Variants in APP observed in about 807,000 individuals in gnomAD.
APP encodes the protein amyloid-beta precursor protein.
APP carries 31 observed loss-of-function variants against 101.4 expected under a neutral mutation model. The observed-to-expected ratio is 0.31, with a 90% CI of 0.23 to 0.41. The LOEUF is 0.41. Ranked by LOEUF, APP falls within the 10% of genes least tolerant of loss-of-function variation. The pLI, the probability that APP is intolerant of heterozygous loss-of-function variation, is 1.00. For synonymous variants in APP, 366 were observed against 364.4 expected (o/e 1.00, Z -0.05); for missense variants, 839 against 1,003.7 (o/e 0.84, Z 2.22).
At chr21:26,126,991 G>A (rs1160483310) in intron 1 of APP, among the ~76,000 whole-genome samples, 5 of 146,508 alleles carry the variant, frequency 3.4e-5, no homozygotes, top group Non-Finnish European at 6.0e-5. Context: ...AAAAAAAAAC[G>A]TTAATTTTTA....
At chr21:25,996,343 T>C (rs1389065411) in intron 8 of APP, among the ~76,000 whole-genome samples, 5 of 152,310 alleles carry the variant, frequency 3.3e-5, no homozygotes, top group African/African-American at 1.2e-4. Flanking sequence ...ATGTCTAAAG[T>C]TGAAACCGGG....
At chr21:26,053,550 G>A in intron 3 of APP, 1 of 486,832 alleles carries the variant, frequency 2.1e-6, no homozygotes, top group Non-Finnish European at 3.8e-6. Context: ...CAAGTTTGAT[G>A]GTTAAAATAA....
intron 11 of APP, among the ~76,000 whole-genome samples, chr21:25,956,399 TTTTC>T (rs1302299364): frequency 7.2e-5 from 11 of 152,204 alleles, no homozygotes; most frequent in Admixed American, 2.0e-4. Flanking sequence ...AGTGCTCCTA[TTTTC>T]TTTCTAATTG....
chr21:26,076,926 G>C (rs1229655624), intron 3 of APP, among the ~76,000 whole-genome samples: 5 of 152,104 alleles, frequency 3.3e-5, no homozygotes, highest in Non-Finnish European at 7.4e-5. Flanking sequence ...AGCCGGGCGT[G>C]GTTGTGGGCG....
At chr21:26,140,396 T>C in intron 1 of APP, 1 of 1,442,678 alleles carries the variant, frequency 6.9e-7, no homozygotes, top group Non-Finnish European at 9.1e-7. Flanking sequence ...TATTTAGGCG[T>C]GGATCACACG....
At chr21:26,149,561 T>C (rs1328513286) in intron 1 of APP, among the ~76,000 whole-genome samples, 1 of 152,196 alleles carries the variant, frequency 6.6e-6, no homozygotes, top group Non-Finnish European at 1.5e-5. Flanking sequence ...CAATTTCTTT[T>C]CACTGGAACC....
chr21:25,912,507 T>C (rs2039129044), intron 13 of APP, among the ~76,000 whole-genome samples: 1 of 152,146 alleles, frequency 6.6e-6, no homozygotes, highest in African/African-American at 2.4e-5. Context: ...TGAAAAAAAA[T>C]CTGCATTTCC....
chr21:25,881,782 A>C lies in APP; in HGVS notation c.2212-11T>G. ...GACAGCGGCGTCAACCTGAAAAACA[A>C]GAGGAGAGCTGAGTAAAAAATAAAA... On this transcript the variant is annotated splice_polypyrimidine_tract_variant and intron_variant, in intron 17 of 17. Transcript: ENST00000346798. 1 of 1,609,494 alleles carries C rather than the reference A, an allele frequency of 6.2e-7. No individual in the cohort carries two copies. Among genetic ancestry groups the C allele is most frequent in the Non-Finnish European group, 8.5e-7 (1 of 1,177,786 alleles).
Position 26,136,204 on chromosome 21 carries a change from A to AG in APP, c.58-24059_58-24058insC, listed in dbSNP as rs138049697. Among the ~76,000 whole-genome samples, 209 of 142,286 alleles carry AG rather than the reference A, an allele frequency of 1.5e-3. 4 individuals carry two copies. Among genetic ancestry groups the AG allele is most frequent in the African/African-American group, 5.4e-3 (197 of 36,224 alleles). 93.3% of individuals were successfully genotyped at this position (142,286 alleles called of 152,430 possible). On this transcript the variant is annotated intron_variant, in intron 1 of 17. Transcript: ENST00000346798. ...AAGAAAGAAAGAAAGAAAGAAAGAA[A>AG]AGAAAAGAAAGAAAAGAAATAGTTT...
intron 1 of APP, among the ~76,000 whole-genome samples, chr21:26,119,785 G>C (rs2062524074): frequency 6.6e-6 from 1 of 152,134 alleles, no homozygotes; most frequent in African/African-American, 2.4e-5. Context: ...TAGAATTAGT[G>C]CATTTAAGTC....
At chr21:25,958,258 C>T (rs2041411015) in intron 11 of APP, among the ~76,000 whole-genome samples, 1 of 152,016 alleles carries the variant, frequency 6.6e-6, no homozygotes, top group Admixed American at 6.6e-5. Context: ...CAACAAACAG[C>T]ATATATTCCC....
In APP at chr21:26,051,170, G is replaced by A. The variant is rs1400210180; in HGVS notation, c.492C>T (p.Asn164=). The part of the protein sequence containing the change: ...AKETCSEKST[N]LHDYGMLLPC... ...GCAGCAACATGCCGTAGTCATGCAA[G>A]TTGGTACTCTTCTCACTGCATGTCT... The change falls in exon 5 of 18, where the codon AAC becomes AAT. Residue 164 remains asparagine (N), a synonymous_variant. Coordinates refer to ENST00000346798, the MANE Select transcript of APP (RefSeq NM_000484.4). 1.2e-6 allele frequency: 2 copies of A among 1,613,930 alleles called. No individual in the cohort carries two copies. The highest frequency in any genetic ancestry group is 2.7e-5 in the African/African-American group (2 of 74,934).
intron 9 of APP, among the ~76,000 whole-genome samples, chr21:25,976,762 T>C (rs941396110): frequency 6.6e-6 from 1 of 152,192 alleles, no homozygotes; most frequent in Admixed American, 6.5e-5. Flanking sequence ...CTAAAAAGCA[T>C]GTGTTGGAAA....
intron 1 of APP, among the ~76,000 whole-genome samples, chr21:26,159,086 A>ATTT (rs879450285): frequency 2.7e-5 from 4 of 147,242 alleles, no homozygotes; most frequent in African/African-American, 4.9e-5. Flanking sequence ...AAGATAGTAA[A>ATTT]TTTTTTTTTT....
chr21:26,017,994 G>C (rs2044178613), intron 6 of APP, among the ~76,000 whole-genome samples: 1 of 152,268 alleles, frequency 6.6e-6, no homozygotes, highest in South Asian at 2.1e-4. Flanking sequence ...GCCCAGGCTG[G>C]AGTGCAGCGG....
At chr21:26,040,714 T>C (rs1226032101) in intron 5 of APP, among the ~76,000 whole-genome samples, 2 of 151,712 alleles carry the variant, frequency 1.3e-5, no homozygotes, top group East Asian at 1.9e-4. Context: ...TGAGCTGAGA[T>C]TGCACCATTG....
At chr21:26,019,139 C>T (rs2044224937) in intron 6 of APP, among the ~76,000 whole-genome samples, 1 of 152,224 alleles carries the variant, frequency 6.6e-6, no homozygotes, top group Non-Finnish European at 1.5e-5. Context: ...AACAAAATCT[C>T]TTTATTGTCT....
chr21:26,029,751 G>A lies in APP; in HGVS notation c.663-7709C>T, dbSNP rs114109013. On this transcript the variant is annotated intron_variant, in intron 5 of 17. Transcript: ENST00000346798. Reference sequence around the variant, plus strand: ...CAACTTGTTCTTGTACATCCTGTGAGCTAAGGGTGGGCTTTGCATTTTTTA... The same window carrying A: ...CAACTTGTTCTTGTACATCCTGTGAACTAAGGGTGGGCTTTGCATTTTTTA... Among the ~76,000 whole-genome samples, 821 of 152,284 alleles carry A rather than the reference G, an allele frequency of 5.4e-3. 9 individuals are homozygous for A. The highest frequency in any genetic ancestry group is 0.019 in the African/African-American group (777 of 41,552).
In APP at chr21:25,895,160, A is replaced by G. The variant is rs1181662625; in HGVS notation, c.2064+2413T>C. 5.4e-5 allele frequency among the ~76,000 whole-genome samples: 8 copies of G among 148,072 alleles called. No homozygotes were observed. The East Asian group carries it at 1.6e-3, about 29-fold the overall frequency. On this transcript the variant is annotated intron_variant, in intron 16 of 17. Transcript: ENST00000346798. ...TATTGCACATGTAACAGACTAGAGT[A>G]TAGTGTAAATACAAACTTTTTTTTT... is the stretch of plus-strand genomic sequence containing the variant.
Sources: gnomAD v4.1 joint callset for allele counts (sites outside exome capture counted in the v4.1 genomes callset) on GRCh38, gnomAD v4.1.1 for gene constraint, MANE v1.5 for transcripts, NCBI Gene and HGNC (gene_info 2026-07-23, HGNC 2026-07-21) for gene names.